The following MALRD1 variants were observed in gnomAD, a reference collection of about 807,000 sequenced individuals.
The protein encoded by MALRD1 is MAM and LDL-receptor class A domain-containing protein 1.
In MALRD1, 247 loss-of-function variants were observed where a neutral mutation model predicts 242.1. That is an observed-to-expected ratio of 1.02 (90% CI 0.92 to 1.13). The LOEUF is 1.13. Among genes scored for constraint, MALRD1 ranks in the 50% most tolerant of loss-of-function variants. The pLI is 0.00. For missense variants in MALRD1, 2,989 were observed against 2,533.1 expected, an observed-to-expected ratio of 1.18 and a Z score of -3.86; for synonymous variants, 995 against 866.6, an observed-to-expected ratio of 1.15 and a Z score of -2.60.
In MALRD1 at chr10:19,555,112, G is replaced by GCC. The variant is rs567109678; in HGVS notation, c.5479-12390_5479-12389insCC. On this transcript the variant is annotated intron_variant, in intron 32 of 39. Transcript: ENST00000454679. ...GACTGGCATGAGATGATATCTCATT[G>GCC]TGTTTTTGATTTGAATTTCTTTAAT... Among the ~76,000 whole-genome samples the GCC allele has an allele frequency of 2.1e-3, 314 of 152,178 alleles. 2 individuals carry two copies. Among genetic ancestry groups the GCC allele is most frequent in the African/African-American group, 6.2e-3 (258 of 41,528 alleles).
chr10:19,692,932 A>G (rs1372350054), intron 38 of MALRD1, among the ~76,000 whole-genome samples: 2 of 149,590 alleles, frequency 1.3e-5, no homozygotes, highest in Admixed American at 6.7e-5. Context: ...ACACAAATCA[A>G]TAAATGTAAT....
intron 14 of MALRD1, among the ~76,000 whole-genome samples, chr10:19,180,553 G>A (rs77141259): frequency 0.072 from 11,009 of 152,168 alleles, 487 homozygotes; most frequent in African/African-American, 0.12. Flanking sequence ...GTCTTACACC[G>A]TACACTTAAA....
chr10:19,198,132 A>G (rs567053548), intron 14 of MALRD1, among the ~76,000 whole-genome samples: 3 of 152,264 alleles, frequency 2.0e-5, no homozygotes, highest in African/African-American at 4.8e-5. Context: ...TAGATATTTA[A>G]TATAGCGTCA....
chr10:19,194,916 GC>G (rs1263464999), intron 14 of MALRD1, among the ~76,000 whole-genome samples: 4 of 152,052 alleles, frequency 2.6e-5, no homozygotes, highest in African/African-American at 9.7e-5. Flanking sequence ...CTGCAGTTTT[GC>G]CTTCCACAGT....
At chr10:19,287,631 T>C (rs1233488331) in intron 21 of MALRD1, among the ~76,000 whole-genome samples, 2 of 152,080 alleles carry the variant, frequency 1.3e-5, no homozygotes, top group African/African-American at 2.4e-5. Context: ...ACACACCAAG[T>C]AGGGAAAATG....
intron 2 of MALRD1, 58 bp downstream of exon 2, chr10:19,066,917 TC>T: frequency 1.7e-6 from 2 of 1,192,258 alleles, no homozygotes; most frequent in Non-Finnish European, 1.1e-6. Flanking sequence ...CTTCCTTCCC[TC>T]CCTTCCTTCT....
chr10:19,687,910 AATGTT>A (rs55753738), intron 36 of MALRD1, among the ~76,000 whole-genome samples: 23,487 of 137,116 alleles, frequency 0.17, 2,210 homozygotes, highest in Middle Eastern at 0.23. Flanking sequence ...TTATTTTTTT[AATGTT>A]ATGTTATGTT....
chr10:19,731,626 A>T lies in MALRD1; in HGVS notation c.6390+845A>T, dbSNP rs567986097. On this transcript the variant is annotated intron_variant, in intron 39 of 39. Coordinates refer to ENST00000454679, the MANE Select transcript of MALRD1 (RefSeq NM_001142308.3). ...CAGAATTTATACATCCTGCACAAAA[A>T]CTTTGCACTCTTTGATCAATATCTC... Among the ~76,000 whole-genome samples the T allele has an allele frequency of 3.3e-5, 5 of 152,164 alleles. No individual in the cohort carries two copies. In the South Asian group the frequency reaches 1.0e-3, roughly 32 times the overall value.
chr10:19,072,257 C>G (rs1835175741), intron 2 of MALRD1, among the ~76,000 whole-genome samples: 1 of 151,968 alleles, frequency 6.6e-6, no homozygotes, highest in African/African-American at 2.4e-5. Flanking sequence ...GGGCTGATAG[C>G]AAATATTTTA....
chr10:19,378,246 T>C (rs1215584317), intron 26 of MALRD1, among the ~76,000 whole-genome samples: 3 of 152,166 alleles, frequency 2.0e-5, no homozygotes, highest in Non-Finnish European at 2.9e-5. Flanking sequence ...TCGTTTTGCA[T>C]TTCCAAAAGC....
intron 18 of MALRD1, among the ~76,000 whole-genome samples, chr10:19,225,930 C>A (rs1837780551): frequency 6.6e-6 from 1 of 152,116 alleles, no homozygotes; most frequent in Non-Finnish European, 1.5e-5. Flanking sequence ...ATCTCTGCTG[C>A]CACAGGTAAT....
At chr10:19,161,550 C>CAAAAAA in intron 12 of MALRD1, among the ~76,000 whole-genome samples, 3 of 60,838 alleles carry the variant, frequency 4.9e-5, no homozygotes, top group South Asian at 7.3e-4. Flanking sequence ...AAAAAAAAAG[C>CAAAAAA]AAAAAAAAAA....
intron 18 of MALRD1, among the ~76,000 whole-genome samples, chr10:19,236,055 G>C (rs976669071): frequency 6.6e-6 from 1 of 152,144 alleles, no homozygotes; most frequent in Non-Finnish European, 1.5e-5. Flanking sequence ...TAGTTATGAA[G>C]CCCAAGGGCT....
intron 26 of MALRD1, among the ~76,000 whole-genome samples, chr10:19,366,663 G>A (rs1307546464): frequency 6.6e-6 from 1 of 152,034 alleles, no homozygotes; most frequent in African/African-American, 2.4e-5. Flanking sequence ...ATGTGCTTAT[G>A]CATTCTGGTG....
chr10:19,456,051 T>C (rs1835632833), intron 29 of MALRD1, among the ~76,000 whole-genome samples: 1 of 152,122 alleles, frequency 6.6e-6, no homozygotes, highest in African/African-American at 2.4e-5. Context: ...TTCAACTGAA[T>C]ATCTAGAAAA....
At position 19,088,155 on chromosome 10, in the gene MALRD1, C is replaced by G. The variant is rs1835738999; in HGVS notation, c.567C>G (p.Val189=). ...TCCCAAATCAGTGGGAGAGAAATGT[C>G]ATCAAAATCCAGAGTTCACAGAGAT... is the stretch of plus-strand genomic sequence containing the variant. ...AALPNQWERN[V]IKIQSSQRFQ... Residue 189 remains valine, a synonymous_variant, in exon 4 of 40, where the codon GTC becomes GTG. Coordinates refer to ENST00000454679, the MANE Select transcript of MALRD1 (RefSeq NM_001142308.3). The G allele has an allele frequency of 1.1e-5, 14 of 1,233,410 alleles. No individual in the cohort carries two copies. Among genetic ancestry groups the G allele is most frequent in the Non-Finnish European group, 1.1e-5 (11 of 987,830 alleles). 76.4% of individuals were successfully genotyped at this position (1,233,410 alleles called of 1,614,324 possible).
chr10:19,531,976 C>T (rs1033194216), intron 32 of MALRD1, among the ~76,000 whole-genome samples: 3 of 152,122 alleles, frequency 2.0e-5, no homozygotes, highest in African/African-American at 7.2e-5. Context: ...TATTAACTTA[C>T]AATTATCCAA....
intron 36 of MALRD1, among the ~76,000 whole-genome samples, chr10:19,651,675 A>C (rs1353952532): frequency 1.3e-5 from 2 of 152,160 alleles, no homozygotes; most frequent in African/African-American, 4.8e-5. Flanking sequence ...ATAATGGGAG[A>C]GACAGATGAG....
At chr10:19,575,757 G>A (rs1015797029) in intron 33 of MALRD1, among the ~76,000 whole-genome samples, 4 of 152,116 alleles carry the variant, frequency 2.6e-5, no homozygotes, top group African/African-American at 9.7e-5. Flanking sequence ...AGCTCAGTCA[G>A]CAAGTTCTAT....
Sources: allele counts gnomAD v4.1 joint callset (sites outside exome capture counted in the v4.1 genomes callset), GRCh38; gene constraint gnomAD v4.1.1; transcripts MANE v1.5; gene names NCBI Gene and HGNC (gene_info 2026-07-23, HGNC 2026-07-21).